RDH14: variants seen among roughly 807,000 people sequenced by gnomAD.
RDH14 encodes retinol dehydrogenase 14, also known as alcohol dehydrogenase PAN2.
Under a neutral mutation model 19.3 loss-of-function variants are expected in RDH14, and 17 were observed. That is an observed-to-expected ratio of 0.88 (90% CI 0.60 to 1.32). RDH14 has a LOEUF of 1.32. Among genes scored for constraint, RDH14 ranks in the 40% most tolerant of loss-of-function variants. RDH14 has a pLI of 0.00. For synonymous variants in RDH14, 215 were observed against 188.9 expected (o/e 1.14, Z -1.13); for missense variants, 534 against 449.2 (o/e 1.19, Z -1.71).
Position 18,560,338 on chromosome 2 carries a change from G to T in RDH14, c.235C>A (p.Arg79Ser), listed in dbSNP as rs1664068795. The change falls in exon 1 of 2, where the codon CGC becomes AGC. Residue 79 changes from arginine (R) to serine (S), a missense_variant. By Grantham distance (110) the Arg-to-Ser change is moderately radical. Transcript: ENST00000381249. ...RVIMGCRDRA[R>S]AEEAAGQLRR... ...AGCTGACCCGCCGCCTCCTCGGCGCGCGCGCGGTCCCGGCAGCCCATGATC... is the reference window on the plus strand; with the variant it reads ...AGCTGACCCGCCGCCTCCTCGGCGCTCGCGCGGTCCCGGCAGCCCATGATC... The T allele has an allele frequency of 1.4e-6, 2 of 1,409,986 alleles. No individual in the cohort carries two copies. Among genetic ancestry groups the T allele is most frequent in the Non-Finnish European group, 1.8e-6 (2 of 1,094,910 alleles). 87.3% of individuals were successfully genotyped at this position (1,409,986 alleles called of 1,614,324 possible). A position where few individuals can be genotyped will look rare whatever the true frequency, so the allele number is the denominator to read the frequency against.
rs974967329 is a variant in RDH14 at position 18,560,452 on chromosome 2, T to G, written c.121A>C (p.Met41Leu). 9.2e-6 allele frequency: 14 copies of G among 1,513,648 alleles called. No homozygotes were observed. The highest frequency in any genetic ancestry group is 1.2e-5 in the Non-Finnish European group (14 of 1,139,162). The allele number at this position is 1,513,648 out of a possible 1,614,324, so 93.8% of individuals were successfully genotyped here. ...RLRRGGDPGL[M>L]HGKTVLITGA... is the part of the protein sequence containing the mutation. Reference sequence around the variant, plus strand: ...GTGATCAGCACAGTCTTCCCGTGCATGAGGCCGGGGTCCCCGCCTCTGCGC... The same window carrying G: ...GTGATCAGCACAGTCTTCCCGTGCAGGAGGCCGGGGTCCCCGCCTCTGCGC... The change falls in exon 1 of 2, where the codon ATG becomes CTG. Residue 41 changes from methionine (M) to leucine (L), a missense_variant. Coordinates refer to ENST00000381249, the MANE Select transcript of RDH14 (RefSeq NM_020905.4).
chr2:18,558,554 T>C (rs1214592440), intron 1 of RDH14, among the ~76,000 whole-genome samples: 3 of 152,140 alleles, frequency 2.0e-5, no homozygotes, highest in Non-Finnish European at 4.4e-5. Flanking sequence ...TCAAGATCTT[T>C]ACCCTAAAAC....
In RDH14 at chr2:18,560,653, C is replaced by G; in HGVS notation, c.-81G>C. The stretch of plus-strand genomic sequence containing the variant: ...ACCGGAACCCAAGAGACCACCTGTA[C>G]GCGGAGAACGCTGGGGCGCGGCGGG... On this transcript the variant is annotated 5_prime_UTR_variant, in exon 1 of 2. Transcript: ENST00000381249. 1 of 1,357,092 alleles carries G rather than the reference C, an allele frequency of 7.4e-7. No homozygotes were observed. Among genetic ancestry groups the G allele is most frequent in the South Asian group, 1.8e-5 (1 of 56,942 alleles). The allele number at this position is 1,357,092 out of a possible 1,614,324, so 84.1% of individuals were successfully genotyped here. A position where few individuals can be genotyped will look rare whatever the true frequency, so the allele number is the denominator to read the frequency against.
chr2:18,555,114 G>C lies in RDH14; in HGVS notation c.*77C>G, dbSNP rs1663871887. 1 of 1,530,560 alleles carries C rather than the reference G, an allele frequency of 6.5e-7. No individual in the cohort carries two copies. The highest frequency in any genetic ancestry group is 1.4e-5 in the African/African-American group (1 of 72,162). 94.8% of individuals were successfully genotyped at this position (1,530,560 alleles called of 1,614,324 possible). ...AAAATTCTTTTTCTTCAAGTAACAA[G>C]TTCTCAATCCACACCATTCCTGATC... On this transcript the variant is annotated 3_prime_UTR_variant, in exon 2 of 2. Transcript: ENST00000381249.
chr2:18,559,451 C>A (rs1055773223), intron 1 of RDH14, among the ~76,000 whole-genome samples: 3 of 152,254 alleles, frequency 2.0e-5, no homozygotes, highest in African/African-American at 7.2e-5. Flanking sequence ...GCCTACTCCA[C>A]AGGGTTACTG....
At position 18,560,438 on chromosome 2, in the gene RDH14, A is replaced by G. The variant is rs1273811107; in HGVS notation, c.135T>C (p.Thr45=). Residue 45 remains threonine (T), a synonymous_variant, in exon 1 of 2, where the codon ACT becomes ACC. Coordinates refer to ENST00000381249, the MANE Select transcript of RDH14 (RefSeq NM_020905.4). The stretch of plus-strand genomic sequence containing the variant: ...CGCTGTTCGCCCCGGTGATCAGCAC[A>G]GTCTTCCCGTGCATGAGGCCGGGGT... ...GGDPGLMHGK[T]VLITGANSGL... The G allele has an allele frequency of 7.3e-6, 11 of 1,513,956 alleles. No homozygotes were observed. The highest frequency in any genetic ancestry group is 8.8e-6 in the Non-Finnish European group (10 of 1,139,456). The allele number at this position is 1,513,956 out of a possible 1,614,324, so 93.8% of individuals were successfully genotyped here.
chr2:18,555,691 G>C lies in RDH14; in HGVS notation c.511C>G (p.Leu171Val). ...FGVNHLGHFL[L>V]TNLLLGLLKS... The stretch of plus-strand genomic sequence containing the variant: ...AGGAGTCCAAGGAGAAGATTGGTGA[G>C]TAGAAAGTGCCCCAGATGGTTCACT... The change falls in exon 2 of 2, where the codon CTC becomes GTC. Residue 171 changes from leucine (L) to valine (V), a missense_variant. Physicochemically the swap from Leu to Val is conservative, Grantham distance 32. Coordinates refer to ENST00000381249, the MANE Select transcript of RDH14 (RefSeq NM_020905.4). The C allele has an allele frequency of 6.2e-7, 1 of 1,614,116 alleles. No individual in the cohort carries two copies. The highest frequency in any genetic ancestry group is 8.5e-7 in the Non-Finnish European group (1 of 1,179,974).
At position 18,555,681 on chromosome 2, in the gene RDH14, A is replaced by C; in HGVS notation, c.521T>G (p.Leu174Arg). The change falls in exon 2 of 2, where the codon CTT (leucine) becomes CGT (arginine). Residue 174 changes from leucine (L) to arginine (R), a missense_variant. Transcript: ENST00000381249. ...TGAACTTTTGAGGAGTCCAAGGAGAAGATTGGTGAGTAGAAAGTGCCCCAG... is the reference window on the plus strand; with the variant it reads ...TGAACTTTTGAGGAGTCCAAGGAGACGATTGGTGAGTAGAAAGTGCCCCAG... ...NHLGHFLLTNLLLGLLKSSAP... is the reference protein window; with the variant it reads ...NHLGHFLLTNRLLGLLKSSAP... 6.2e-7 allele frequency: 1 copy of C among 1,614,144 alleles called. No individual in the cohort carries two copies. The highest frequency in any genetic ancestry group is 1.7e-4 in the Middle Eastern group (1 of 6,060).
At chr2:18,555,894 TA>T in intron 1 of RDH14, 86 bp from the exon 2 acceptor site, 1 of 1,495,886 alleles carries the variant, frequency 6.7e-7, no homozygotes, top group Admixed American at 2.3e-5. Context: ...TACATTTTAA[TA>T]AAAATGGGCA....
Position 18,560,577 on chromosome 2 carries a change from A to G in RDH14, c.-5T>C. On this transcript the variant is annotated 5_prime_UTR_variant, in exon 1 of 2. Transcript: ENST00000381249. ...CGCCGCAGTGGCCACTGCCATCGTCAGGCCCGAGGGCCCACCGGCCCCTCC... is the reference window on the plus strand; with the variant it reads ...CGCCGCAGTGGCCACTGCCATCGTCGGGCCCGAGGGCCCACCGGCCCCTCC... 1 of 1,448,130 alleles carries G rather than the reference A, an allele frequency of 6.9e-7. No individual in the cohort carries two copies. 89.7% of individuals were successfully genotyped at this position (1,448,130 alleles called of 1,614,324 possible).
At chr2:18,556,223 T>C (rs1306491350) in intron 1 of RDH14, among the ~76,000 whole-genome samples, 1 of 152,194 alleles carries the variant, frequency 6.6e-6, no homozygotes, top group Non-Finnish European at 1.5e-5. Flanking sequence ...CATTAGAAAG[T>C]TGACTACGTG....
At chr2:18,555,920 C>A in intron 1 of RDH14, 112 bp from the exon 2 acceptor site, 2 of 1,469,396 alleles carry the variant, frequency 1.4e-6, no homozygotes, top group Non-Finnish European at 1.8e-6. Context: ...AGACTAAAAG[C>A]ATTTAATTTC....
intron 1 of RDH14, 35 bp from the exon 2 acceptor site, chr2:18,555,843 A>T (rs1663902638): frequency 6.4e-7 from 1 of 1,564,766 alleles, no homozygotes; most frequent in Non-Finnish European, 8.7e-7. Flanking sequence ...CAGAATTATT[A>T]AGAACACACG....
intron 1 of RDH14, among the ~76,000 whole-genome samples, chr2:18,558,351 G>A (rs1471641709): frequency 6.6e-6 from 1 of 152,070 alleles, no homozygotes; most frequent in Non-Finnish European, 1.5e-5. Context: ...TAGCTACTAA[G>A]TTGTTAGGAC....
At position 18,560,450 on chromosome 2, in the gene RDH14, C is replaced by A. The variant is rs1664077671; in HGVS notation, c.123G>T (p.Met41Ile). The A allele has an allele frequency of 1.3e-6, 2 of 1,514,028 alleles. No individual in the cohort carries two copies. The allele number at this position is 1,514,028 out of a possible 1,614,324, so 93.8% of individuals were successfully genotyped here. Residue 41 changes from methionine (M) to isoleucine (I), a missense_variant, in exon 1 of 2, where the codon ATG becomes ATT. By Grantham distance (10) the Met-to-Ile change is conservative. Transcript: ENST00000381249. ...CGGTGATCAGCACAGTCTTCCCGTG[C>A]ATGAGGCCGGGGTCCCCGCCTCTGC... is the stretch of plus-strand genomic sequence containing the variant. ...RLRRGGDPGLMHGKTVLITGA... is the reference protein window; with the variant it reads ...RLRRGGDPGLIHGKTVLITGA...
Position 18,554,869 on chromosome 2 carries a change from T to C in RDH14, c.*322A>G. On this transcript the variant is annotated 3_prime_UTR_variant, in exon 2 of 2. Transcript: ENST00000381249. ...CAAAGATACTTGAAAAACCTCTCGA[T>C]AGCACTTTGAGTCACTTAATTCTGA... is the stretch of plus-strand genomic sequence containing the variant. The C allele has an allele frequency of 4.5e-6, 1 of 220,448 alleles. No homozygotes were observed. Among genetic ancestry groups the C allele is most frequent in the Non-Finnish European group, 9.0e-6 (1 of 110,716 alleles). The allele number at this position is 220,448 out of a possible 1,614,324, so 13.7% of individuals were successfully genotyped here.
At position 18,555,535 on chromosome 2, in the gene RDH14, C is replaced by T; in HGVS notation, c.667G>A (p.Ala223Thr). 1.9e-6 allele frequency: 3 copies of T among 1,614,140 alleles called. No individual in the cohort carries two copies. Among genetic ancestry groups the T allele is most frequent in the African/African-American group, 1.3e-5 (1 of 75,042 alleles). Residue 223 changes from alanine (A) to threonine (T), a missense_variant, in exon 2 of 2, where the codon GCT becomes ACT. By Grantham distance (58) the Ala-to-Thr change is moderately conservative. Transcript: ENST00000381249. ...AGTTCCCTGGTAAAAAGAATGTTAG[C>T]CAGTTTGCTCCGGCTATAACAAAAG... ...KSFCYSRSKL[A>T]NILFTRELAR... is the part of the protein sequence containing the mutation.
At chr2:18,557,241 A>G (rs1663947890) in intron 1 of RDH14, among the ~76,000 whole-genome samples, 1 of 152,092 alleles carries the variant, frequency 6.6e-6, no homozygotes, top group East Asian at 1.9e-4. Flanking sequence ...TTCCAAGTGT[A>G]AAGACACTGT....
intron 1 of RDH14, among the ~76,000 whole-genome samples, chr2:18,558,603 T>G (rs1663988638): frequency 6.6e-6 from 1 of 152,236 alleles, no homozygotes; most frequent in African/African-American, 2.4e-5. Context: ...TATTCATAAA[T>G]TGATAGCTCA....
Sources: gnomAD v4.1 joint callset for allele counts (sites outside exome capture counted in the v4.1 genomes callset) on GRCh38, gnomAD v4.1.1 for gene constraint, MANE v1.5 for transcripts, NCBI Gene and HGNC (gene_info 2026-07-23, HGNC 2026-07-21) for gene names.